KLRG1: variants seen among roughly 807,000 people sequenced by gnomAD.
KLRG1 encodes the protein killer cell lectin-like receptor subfamily G member 1.
In KLRG1, 16 loss-of-function variants were observed where a neutral mutation model predicts 21.8. That is an observed-to-expected ratio of 0.73 (90% CI 0.50 to 1.11). The LOEUF is 1.11. Among genes scored for constraint, KLRG1 ranks in the 50% most tolerant of loss-of-function variants. The probability of loss-of-function intolerance (pLI) is 0.00; values close to 1 mark genes in which losing one functional copy is unlikely to be tolerated. For missense variants in KLRG1, 173 were observed against 218.3 expected (o/e 0.79, Z 1.31); for synonymous variants, 69 against 75.9 (o/e 0.91, Z 0.47).
chr12:9,100,840 G>T, the KLRG1 span, among the ~76,000 whole-genome samples: 1 of 152,152 alleles, frequency 6.6e-6, no homozygotes, highest in Non-Finnish European at 1.5e-5. Flanking sequence ...TAGGAAGTGG[G>T]AGCTAAGTTA....
chr12:9,105,183 T>C, the KLRG1 span, among the ~76,000 whole-genome samples: 9 of 152,170 alleles, frequency 5.9e-5, no homozygotes, highest in East Asian at 9.6e-4. Context: ...GGAAGAACAA[T>C]AGGCTGACCC....
rs1187500491 is a variant in KLRG1, at chr12:9,008,962, A to G, written c.358-13A>G. ...CACTAGGTCCCTTTTTTGGTTTTCA[A>G]CCTCTCCCTTAGAGCCTGCTCCAAG... On this transcript the variant is annotated splice_polypyrimidine_tract_variant and intron_variant, in intron 3 of 4. Transcript: ENST00000356986. 6.3e-7 allele frequency: 1 copy of G among 1,596,172 alleles called. No homozygotes were observed. Among genetic ancestry groups the G allele is most frequent in the Non-Finnish European group, 8.5e-7 (1 of 1,172,120 alleles).
chr12:9,134,858 C>T, the KLRG1 span, among the ~76,000 whole-genome samples: 3 of 152,156 alleles, frequency 2.0e-5, no homozygotes, highest in South Asian at 2.1e-4. Context: ...GTAACCAAAC[C>T]GCCATCGCTC....
chr12:9,203,702 C>A, the KLRG1 span: 1 of 1,556,302 alleles, frequency 6.4e-7, no homozygotes, highest in South Asian at 1.2e-5. Flanking sequence ...AGCTCCATCA[C>A]CATGACCTAT....
the KLRG1 span, chr12:9,077,017 A>G: frequency 1.4e-6 from 2 of 1,386,894 alleles, no homozygotes. Context: ...GGATCACAGC[A>G]CAGAAGTTTT....
intron 1 of KLRG1, among the ~76,000 whole-genome samples, chr12:8,978,593 C>G (rs1946695444): frequency 6.6e-6 from 1 of 152,102 alleles, no homozygotes; most frequent in Non-Finnish European, 1.5e-5. Context: ...GCTGAGAAAC[C>G]TACTGATAGT....
chr12:8,952,512 C>A (rs764503035), intron 1 of KLRG1, among the ~76,000 whole-genome samples: 2 of 152,130 alleles, frequency 1.3e-5, no homozygotes, highest in Non-Finnish European at 2.9e-5. Context: ...TCAAAATGAT[C>A]ATGTTTTCCA....
chr12:8,996,161 A>G (rs1453290376), intron 3 of KLRG1, among the ~76,000 whole-genome samples: 1 of 151,030 alleles, frequency 6.6e-6, no homozygotes, highest in Non-Finnish European at 1.5e-5. Flanking sequence ...GTGCACGTGC[A>G]TGTGTGTGTG....
chr12:8,956,062 C>T (rs753797543), intron 1 of KLRG1, among the ~76,000 whole-genome samples: 1 of 152,336 alleles, frequency 6.6e-6, no homozygotes, highest in East Asian at 1.9e-4. Flanking sequence ...GGGAGCTGTT[C>T]TGTTGCTGAA....
the KLRG1 span, among the ~76,000 whole-genome samples, chr12:9,153,805 A>G: frequency 1.3e-5 from 2 of 152,212 alleles, no homozygotes; most frequent in Non-Finnish European, 2.9e-5. Context: ...GAAAAACAAA[A>G]GTTTCACTAT....
chr12:9,070,906 C>T, the KLRG1 span, among the ~76,000 whole-genome samples: 46 of 151,994 alleles, frequency 3.0e-4, no homozygotes, highest in Admixed American at 3.9e-4. Context: ...CCGCAACCTC[C>T]GCCTCCTGGG....
the KLRG1 span, chr12:9,168,711 T>A: frequency 1.6e-6 from 1 of 619,192 alleles, no homozygotes; most frequent in Non-Finnish European, 2.8e-6. Context: ...GTTCTAGCTA[T>A]CACCAGCTAA....
At chr12:9,190,556 A>G in the KLRG1 span, among the ~76,000 whole-genome samples, 1 of 152,222 alleles carries the variant, frequency 6.6e-6, no homozygotes, top group South Asian at 2.1e-4. Context: ...GGTGGAGGGT[A>G]GGTGGAGAAA....
At chr12:9,090,407 A>G in the KLRG1 span, 6 of 1,614,034 alleles carry the variant, frequency 3.7e-6, no homozygotes, top group Non-Finnish European at 5.1e-6. Context: ...CCGTTTGCAC[A>G]GATGCAGTGA....
chr12:9,021,567 AT>A, the KLRG1 span, among the ~76,000 whole-genome samples: 368 of 146,696 alleles, frequency 2.5e-3, 2 homozygotes, highest in Non-Finnish European at 3.6e-3. Context: ...TACCCAGCTA[AT>A]TTTTTTTTTT....
the KLRG1 span, among the ~76,000 whole-genome samples, chr12:9,131,349 A>C: frequency 1.3e-5 from 2 of 152,234 alleles, no homozygotes; most frequent in African/African-American, 2.4e-5. Flanking sequence ...TCCATTATTT[A>C]AATTAAAATA....
intron 2 of KLRG1, among the ~76,000 whole-genome samples, chr12:8,993,535 G>A (rs974452370): frequency 2.0e-5 from 3 of 151,896 alleles, no homozygotes; most frequent in Non-Finnish European, 4.4e-5. Flanking sequence ...TGATCTGCCC[G>A]CCTTGGCCTC....
At chr12:9,127,008 A>G in the KLRG1 span, among the ~76,000 whole-genome samples, 5 of 152,194 alleles carry the variant, frequency 3.3e-5, no homozygotes, top group Admixed American at 3.3e-4. Flanking sequence ...TAGACACTAC[A>G]TTCTTTCTAG....
chr12:9,115,807 G>A, the KLRG1 span: 10 of 1,613,528 alleles, frequency 6.2e-6, no homozygotes, highest in South Asian at 7.7e-5. Flanking sequence ...AGGACCAAGA[G>A]GAGAAGAACC....
Sources: allele counts gnomAD v4.1 joint callset (sites outside exome capture counted in the v4.1 genomes callset), GRCh38; gene constraint gnomAD v4.1.1; transcripts MANE v1.5; gene names NCBI Gene and HGNC (gene_info 2026-07-23, HGNC 2026-07-21).